Variants in PLEKHH2 observed in about 807,000 individuals in gnomAD.
The protein encoded by PLEKHH2 is pleckstrin homology domain-containing family H member 2.
PLEKHH2 carries 129 observed loss-of-function variants against 187.9 expected under a neutral mutation model. The ratio of observed to expected loss-of-function variants is 0.69; its 90% CI spans 0.59 to 0.79. The LOEUF (loss-of-function observed/expected upper bound fraction) is 0.79, where lower values mean the gene tolerates loss of function less well. PLEKHH2 is among the 30% of genes least tolerant of loss of function. The pLI, the probability that PLEKHH2 is intolerant of heterozygous loss-of-function variation, is 0.00. For missense variants in PLEKHH2, 2,076 were observed against 1,751.2 expected, an observed-to-expected ratio of 1.19 and a Z score of -3.31; for synonymous variants, 686 against 605.6, an observed-to-expected ratio of 1.13 and a Z score of -1.95.
intron 14 of PLEKHH2, 93 bp downstream of exon 14, chr2:43,710,668 C>A (rs1283026933): frequency 6.8e-7 from 1 of 1,468,852 alleles, no homozygotes; most frequent in South Asian, 1.4e-5. Flanking sequence ...TAGGATAATT[C>A]AGTGTTTCTT....
intron 2 of PLEKHH2, among the ~76,000 whole-genome samples, chr2:43,645,009 G>A (rs1490689373): frequency 2.0e-5 from 3 of 152,176 alleles, no homozygotes; most frequent in East Asian, 1.9e-4. Context: ...TGTGAGAACC[G>A]TGTATGTTTG....
At chr2:43,689,783 T>G (rs1158077169) in intron 3 of PLEKHH2, among the ~76,000 whole-genome samples, 1 of 152,220 alleles carries the variant, frequency 6.6e-6, no homozygotes, top group Non-Finnish European at 1.5e-5. Context: ...ACAGCAAGGA[T>G]GCATCCGAGG....
In PLEKHH2 at chr2:43,644,577, G is replaced by T. The variant is rs943486678; in HGVS notation, c.-3-94G>T. ...AGACAGTGATTATAATGTGTACATT[G>T]GGTAATTTAACAAATTATCCTGAAT... is the stretch of plus-strand genomic sequence containing the variant. On this transcript the variant is annotated intron_variant, in intron 1 of 29. Transcript: ENST00000282406. The T allele has an allele frequency of 1.1e-5, 11 of 1,021,162 alleles. No homozygotes were observed. In the African/African-American group the frequency reaches 1.5e-4, roughly 14 times the overall value. The allele number at this position is 1,021,162 out of a possible 1,614,324, so 63.3% of individuals were successfully genotyped here. A position where few individuals can be genotyped will look rare whatever the true frequency, so the allele number is the denominator to read the frequency against.
At chr2:43,657,796 C>T (rs1277059765) in intron 2 of PLEKHH2, among the ~76,000 whole-genome samples, 2 of 152,284 alleles carry the variant, frequency 1.3e-5, no homozygotes, top group East Asian at 3.9e-4. Flanking sequence ...AAATGTATTC[C>T]CAGTATCTGC....
chr2:43,651,849 A>G (rs1465141117), intron 2 of PLEKHH2, among the ~76,000 whole-genome samples: 2 of 152,184 alleles, frequency 1.3e-5, no homozygotes, highest in South Asian at 2.1e-4. Flanking sequence ...TGAATTTTTA[A>G]AAAGTTATCT....
In PLEKHH2 at chr2:43,699,650, T is replaced by C; in HGVS notation, c.692T>C (p.Met231Thr). 1 of 1,609,832 alleles carries C rather than the reference T, an allele frequency of 6.2e-7. No individual in the cohort carries two copies. ...EFTEGKDMEE[M>T]EIPEKSVDNQ... is the part of the protein sequence containing the mutation. ...GATATGATGTATCCTTTTCTAGAAA[T>C]GGAAATTCCAGAAAAGTCTGTTGAT... The change falls in exon 8 of 30, where the codon ATG becomes ACG. Residue 231 changes from methionine to threonine, a missense_variant. By Grantham distance (81) the Met-to-Thr change is moderately conservative. Transcript: ENST00000282406.
Position 43,640,198 on chromosome 2 carries a change from C to A in PLEKHH2, c.-4+2819C>A, listed in dbSNP as rs566694766. ...TAAAGTTACTCCAATAACTTGGTAA[C>A]TTTATATTTAAACTTTTTTTTTTTT... is the stretch of plus-strand genomic sequence containing the variant. On this transcript the variant is annotated intron_variant, in intron 1 of 29. Transcript: ENST00000282406. 2.1e-3 allele frequency among the ~76,000 whole-genome samples: 295 copies of A among 139,054 alleles called. 3 individuals are homozygous for A. The highest frequency in any genetic ancestry group is 7.9e-3 in the African/African-American group (280 of 35,252). The allele number at this position is 139,054 out of a possible 152,430, so 91.2% of individuals were successfully genotyped here.
chr2:43,642,631 C>T (rs1434290526), intron 1 of PLEKHH2, among the ~76,000 whole-genome samples: 2 of 152,074 alleles, frequency 1.3e-5, no homozygotes, highest in African/African-American at 4.8e-5. Flanking sequence ...GAGGAAGTTC[C>T]TGTCTATTTG....
At chr2:43,637,739 C>T (rs909216681) in intron 1 of PLEKHH2, among the ~76,000 whole-genome samples, 2 of 152,180 alleles carry the variant, frequency 1.3e-5, no homozygotes, top group Non-Finnish European at 2.9e-5. Flanking sequence ...GCCCAGGGTC[C>T]CCGAGCCGAG....
chr2:43,723,264 C>T (rs1042859408), intron 16 of PLEKHH2, among the ~76,000 whole-genome samples: 5 of 151,988 alleles, frequency 3.3e-5, no homozygotes, highest in South Asian at 2.1e-4. Context: ...TTTTGGCAGG[C>T]CTGAGAATTA....
At chr2:43,694,191 G>A (rs1426859629) in intron 4 of PLEKHH2, among the ~76,000 whole-genome samples, 1 of 152,174 alleles carries the variant, frequency 6.6e-6, no homozygotes, top group East Asian at 1.9e-4. Context: ...TTCAGTGTAT[G>A]ATCTTTCAGA....
chr2:43,694,977 G>A (rs534624759), intron 5 of PLEKHH2, among the ~76,000 whole-genome samples, 166 bp from the exon 6 acceptor site: 2 of 152,118 alleles, frequency 1.3e-5, no homozygotes, highest in Admixed American at 6.5e-5. Flanking sequence ...TATCTAGGTC[G>A]ATAGCCTATT....
intron 17 of PLEKHH2, among the ~76,000 whole-genome samples, chr2:43,726,902 A>T (rs1670777332): frequency 6.6e-6 from 1 of 151,524 alleles, no homozygotes; most frequent in Non-Finnish European, 1.5e-5. Context: ...CATTCAATAC[A>T]TATGATTATG....
chr2:43,747,881 C>T (rs919241528), intron 24 of PLEKHH2, among the ~76,000 whole-genome samples: 2 of 152,128 alleles, frequency 1.3e-5, no homozygotes, highest in East Asian at 1.9e-4. Flanking sequence ...AATTTTGATC[C>T]ACTTTAAAAT....
chr2:43,638,248 A>AACACACACACACAC (rs70965309), intron 1 of PLEKHH2, among the ~76,000 whole-genome samples: 2 of 148,754 alleles, frequency 1.3e-5, no homozygotes, highest in Non-Finnish European at 3.0e-5. Context: ...AAGATCTTTT[A>AACACACACACACAC]ACACACACAC....
chr2:43,743,735 C>T (rs1049292839), intron 22 of PLEKHH2, 99 bp from the exon 23 acceptor site: 2 of 1,095,752 alleles, frequency 1.8e-6, no homozygotes, highest in African/African-American at 3.2e-5. Flanking sequence ...AATATGTTAT[C>T]ATTAATCATG....
At chr2:43,753,501 T>C in intron 24 of PLEKHH2, 118 bp from the exon 25 acceptor site, 1 of 724,140 alleles carries the variant, frequency 1.4e-6, no homozygotes, top group Non-Finnish European at 2.0e-6. Context: ...GTAGTCTAAG[T>C]TCATACCACT....
intron 26 of PLEKHH2, among the ~76,000 whole-genome samples, chr2:43,758,545 A>G (rs937103620): frequency 2.0e-5 from 3 of 152,158 alleles, no homozygotes; most frequent in African/African-American, 7.2e-5. Flanking sequence ...GAGCCACTGC[A>G]CCGGGCCTGT....
chr2:43,669,443 AG>A (rs1667389435), intron 2 of PLEKHH2, among the ~76,000 whole-genome samples: 1 of 152,196 alleles, frequency 6.6e-6, no homozygotes, highest in Non-Finnish European at 1.5e-5. Context: ...CTGTTTTAAA[AG>A]GTGAATTTTA....
Sources: allele counts gnomAD v4.1 joint callset (sites outside exome capture counted in the v4.1 genomes callset), GRCh38; gene constraint gnomAD v4.1.1; transcripts MANE v1.5; gene names NCBI Gene and HGNC (gene_info 2026-07-23, HGNC 2026-07-21).